ITPR2: variants seen among roughly 807,000 people sequenced by gnomAD.
ITPR2 encodes inositol 1,4,5-trisphosphate-gated calcium channel ITPR2.
ITPR2 carries 207 observed loss-of-function variants against 317.1 expected under a neutral mutation model. The observed-to-expected ratio is 0.65, with a 90% CI of 0.58 to 0.73. ITPR2 has a LOEUF of 0.73. Among genes scored for constraint, ITPR2 ranks in the 30% least tolerant of loss-of-function variants. ITPR2 has a pLI of 0.00. For synonymous variants in ITPR2, 1,156 were observed against 1,149.1 expected, an observed-to-expected ratio of 1.01 and a Z score of -0.12; for missense variants, 2,613 against 3,284.0, an observed-to-expected ratio of 0.80 and a Z score of 4.99.
At chr12:26,500,569 T>C (rs1943047586) in intron 37 of ITPR2, among the ~76,000 whole-genome samples, 3 of 152,180 alleles carry the variant, frequency 2.0e-5, no homozygotes, top group Non-Finnish European at 4.4e-5. Flanking sequence ...ATCCCAGATG[T>C]GCTAAATGTA....
At chr12:26,599,045 T>G in intron 30 of ITPR2, 100 bp downstream of exon 30, 1 of 1,057,902 alleles carries the variant, frequency 9.5e-7, no homozygotes, top group Non-Finnish European at 1.4e-6. Context: ...TAAATAATTT[T>G]CCAAACCTAT....
At chr12:26,553,547 G>A (rs1045738848) in intron 36 of ITPR2, among the ~76,000 whole-genome samples, 4 of 151,462 alleles carry the variant, frequency 2.6e-5, no homozygotes, top group Admixed American at 1.3e-4. Flanking sequence ...AGCACTTTGG[G>A]AGGCCGATGT....
intron 42 of ITPR2, among the ~76,000 whole-genome samples, chr12:26,482,572 A>G (rs1242063774): frequency 1.3e-5 from 2 of 152,260 alleles, no homozygotes; most frequent in African/African-American, 4.8e-5. Flanking sequence ...ATCAACATTT[A>G]GGTTTTCTTG....
At chr12:26,369,502 G>A (rs987675282) in intron 55 of ITPR2, among the ~76,000 whole-genome samples, 1 of 152,044 alleles carries the variant, frequency 6.6e-6, no homozygotes, top group Non-Finnish European at 1.5e-5. Flanking sequence ...TGTATAAGAG[G>A]GATAGAGGAA....
At chr12:26,600,866 ATCTC>A (rs1193056821) in intron 28 of ITPR2, among the ~76,000 whole-genome samples, 1 of 150,650 alleles carries the variant, frequency 6.6e-6, no homozygotes, top group African/African-American at 2.4e-5. Flanking sequence ...CCTCTCTCCA[ATCTC>A]TCTGTCCCTT....
intron 54 of ITPR2, among the ~76,000 whole-genome samples, chr12:26,397,488 T>C (rs1940035457): frequency 6.6e-6 from 1 of 152,118 alleles, no homozygotes. Flanking sequence ...TGCAGCTTCC[T>C]GTAAACTTCT....
intron 45 of ITPR2, among the ~76,000 whole-genome samples, chr12:26,475,001 G>A (rs1942385273): frequency 6.6e-6 from 1 of 151,950 alleles, no homozygotes; most frequent in Non-Finnish European, 1.5e-5. Flanking sequence ...CTCTCCTTCA[G>A]GACCCTCATT....
At chr12:26,576,823 G>A (rs774976457) in intron 34 of ITPR2, among the ~76,000 whole-genome samples, 2 of 152,286 alleles carry the variant, frequency 1.3e-5, no homozygotes, top group Non-Finnish European at 2.9e-5. Flanking sequence ...TGTGTCCCTC[G>A]AAGTTCGTGT....
At chr12:26,565,622 T>C (rs890637818) in intron 34 of ITPR2, among the ~76,000 whole-genome samples, 1 of 151,790 alleles carries the variant, frequency 6.6e-6, no homozygotes, top group Non-Finnish European at 1.5e-5. Flanking sequence ...GGAAATTCTC[T>C]GAAGCTTAAA....
At chr12:26,696,188 C>A (rs1948346499) in intron 9 of ITPR2, among the ~76,000 whole-genome samples, 1 of 152,148 alleles carries the variant, frequency 6.6e-6, no homozygotes, top group African/African-American at 2.4e-5. Context: ...TGGGGCCAAT[C>A]TGATGACAAA....
intron 1 of ITPR2, among the ~76,000 whole-genome samples, chr12:26,823,956 C>T (rs1033476952): frequency 6.6e-6 from 1 of 152,156 alleles, no homozygotes; most frequent in African/African-American, 2.4e-5. Context: ...AAAATGCATA[C>T]TTCTTAACAT....
chr12:26,797,251 T>A (rs916091121), intron 1 of ITPR2, among the ~76,000 whole-genome samples: 1 of 152,216 alleles, frequency 6.6e-6, no homozygotes, highest in African/African-American at 2.4e-5. Flanking sequence ...ATTTTAGGAA[T>A]ACACATGGGG....
At chr12:26,364,265 T>TTA (rs1211568255) in intron 55 of ITPR2, among the ~76,000 whole-genome samples, 1 of 152,240 alleles carries the variant, frequency 6.6e-6, no homozygotes, top group Non-Finnish European at 1.5e-5. Flanking sequence ...GCAGACTATA[T>TTA]TATTTATCAA....
At position 26,602,359 on chromosome 12, in the gene ITPR2, C is replaced by T; in HGVS notation, c.3678+11G>A. 1 of 1,591,186 alleles carries T rather than the reference C, an allele frequency of 6.3e-7. No individual in the cohort carries two copies. The highest frequency in any genetic ancestry group is 8.5e-7 in the Non-Finnish European group (1 of 1,173,102). ...TAAAAAGCTAAAGAACAAAAAATAA[C>T]CAGGACTAACCTTTTCATAGGGTAT... On this transcript the variant is annotated intron_variant, in intron 28 of 56. Coordinates refer to ENST00000381340, the MANE Select transcript of ITPR2 (RefSeq NM_002223.4).
chr12:26,832,584 G>A (rs988119206), intron 1 of ITPR2, 106 bp downstream of exon 1: 2 of 780,358 alleles, frequency 2.6e-6, no homozygotes, highest in South Asian at 1.9e-5. Flanking sequence ...CTGCCCGGCC[G>A]GGCCACCACG....
chr12:26,662,202 T>C (rs1195279523), intron 15 of ITPR2, among the ~76,000 whole-genome samples: 1 of 152,204 alleles, frequency 6.6e-6, no homozygotes, highest in East Asian at 1.9e-4. Context: ...AAATCTTTTT[T>C]TCTTCCCCAA....
At chr12:26,374,368 T>G (rs1939279608) in intron 55 of ITPR2, among the ~76,000 whole-genome samples, 1 of 152,250 alleles carries the variant, frequency 6.6e-6, no homozygotes, top group African/African-American at 2.4e-5. Context: ...GCTGTCTTTA[T>G]CTCCTCTGCG....
intron 48 of ITPR2, among the ~76,000 whole-genome samples, chr12:26,433,523 TG>T (rs1342441673): frequency 6.7e-6 from 1 of 148,284 alleles, no homozygotes; most frequent in African/African-American, 2.5e-5. Flanking sequence ...TCAAGTGCTT[TG>T]TGTTAAAGAA....
chr12:26,400,187 T>C lies in ITPR2; in HGVS notation c.7471A>G (p.Asn2491Asp). 6.2e-7 allele frequency: 1 copy of C among 1,612,008 alleles called. No homozygotes were observed. ...TLLMCIVTVL[N>D]QGLRNGGGVG... ...CCACCGCCATTCCTGAGGCCCTGGT[T>C]CAGCACGGTGACAATGCACATAAGG... The change falls in exon 53 of 57, where the codon AAC becomes GAC. Residue 2491 changes from asparagine (N) to aspartate (D), a missense_variant. Asn to Asp is a conservative substitution (Grantham distance 23). This residue lies in a region of ITPR2 where 113 missense variants were observed against 129.2 expected (regional missense o/e 0.87). Coordinates refer to ENST00000381340, the MANE Select transcript of ITPR2 (RefSeq NM_002223.4).
Sources: allele counts gnomAD v4.1 joint callset (sites outside exome capture counted in the v4.1 genomes callset), GRCh38; gene constraint gnomAD v4.1.1; regional missense constraint gnomAD v4.1.1; transcripts MANE v1.5; gene names NCBI Gene and HGNC (gene_info 2026-07-23, HGNC 2026-07-21).